Variants in CDK14 observed in about 807,000 individuals in gnomAD.
CDK14 encodes the protein cyclin-dependent kinase 14.
A neutral mutation model predicts 60.7 loss-of-function variants in CDK14; 34 were observed. The observed-to-expected ratio is 0.56, with a 90% confidence interval of 0.43 to 0.75. CDK14 has a LOEUF of 0.75. Ranked by LOEUF, CDK14 falls within the 30% of genes least tolerant of loss-of-function variation. The pLI, the probability that CDK14 is intolerant of heterozygous loss-of-function variation, is 0.00. For missense variants in CDK14, 482 were observed against 564.1 expected (o/e 0.85, Z 1.47); for synonymous variants, 197 against 203.7 (o/e 0.97, Z 0.28).
At chr7:91,174,831 T>G (rs1247857645) in intron 14 of CDK14, among the ~76,000 whole-genome samples, 1 of 73,842 alleles carries the variant, frequency 1.4e-5, no homozygotes, top group African/African-American at 7.1e-5. Context: ...CTACGTCTGA[T>G]TGGTGTACCT....
intron 8 of CDK14, among the ~76,000 whole-genome samples, chr7:90,949,595 A>C (rs1794196263): frequency 6.6e-6 from 1 of 152,198 alleles, no homozygotes. Context: ...GGATAATTAA[A>C]TAAAATCAAA....
chr7:90,945,026 C>G (rs1278193815), intron 8 of CDK14, among the ~76,000 whole-genome samples: 1 of 152,098 alleles, frequency 6.6e-6, no homozygotes, highest in African/African-American at 2.4e-5. Context: ...TGCCAATGAA[C>G]TGACATAAGA....
intron 12 of CDK14, among the ~76,000 whole-genome samples, chr7:91,081,347 T>A (rs1035310809): frequency 3.3e-5 from 5 of 152,218 alleles, no homozygotes; most frequent in Non-Finnish European, 1.5e-5. Flanking sequence ...GATGGTTTTC[T>A]CTATTTCCAA....
intron 8 of CDK14, among the ~76,000 whole-genome samples, chr7:90,945,289 A>G (rs1372232897): frequency 2.0e-5 from 3 of 152,222 alleles, no homozygotes; most frequent in African/African-American, 7.2e-5. Context: ...TTCATGCATT[A>G]TCTCATCTAA....
At chr7:91,151,969 A>T (rs1800839372) in intron 14 of CDK14, among the ~76,000 whole-genome samples, 1 of 152,224 alleles carries the variant, frequency 6.6e-6, no homozygotes. Context: ...TTGGAGTTAT[A>T]CCCATGCATT....
intron 14 of CDK14, among the ~76,000 whole-genome samples, chr7:91,179,683 G>T (rs1342231817): frequency 1.3e-5 from 2 of 151,908 alleles, no homozygotes; most frequent in African/African-American, 4.8e-5. Flanking sequence ...GGCGCCTGTA[G>T]TCCCAGCTAC....
At chr7:90,856,555 C>T (rs369379526) in intron 5 of CDK14, among the ~76,000 whole-genome samples, 1 of 152,282 alleles carries the variant, frequency 6.6e-6, no homozygotes, top group East Asian at 1.9e-4. Context: ...AGCTGCGTAT[C>T]AGTGCTCAGC....
At chr7:91,199,781 T>TATGGATGTTACCAAAC (rs1802661438) in intron 14 of CDK14, among the ~76,000 whole-genome samples, 1 of 152,208 alleles carries the variant, frequency 6.6e-6, no homozygotes, top group African/African-American at 2.4e-5. Context: ...TGTGCATCCA[T>TATGGATGTTACCAAAC]ATGGATGTTA....
At chr7:90,713,143 A>G (rs1802125738) in intron 2 of CDK14, among the ~76,000 whole-genome samples, 4 of 152,078 alleles carry the variant, frequency 2.6e-5, no homozygotes, top group South Asian at 2.1e-4. Context: ...AGCTTCATCA[A>G]TACAGCTTTC....
intron 2 of CDK14, among the ~76,000 whole-genome samples, chr7:90,644,389 G>A (rs4728911): frequency 0.94 from 143,325 of 152,328 alleles, 67,463 homozygotes; most frequent in East Asian, 1. Context: ...CTTTATCTCC[G>A]TTTTCCTGAT....
intron 5 of CDK14, among the ~76,000 whole-genome samples, chr7:90,797,870 C>G (rs574931248): frequency 6.6e-6 from 1 of 152,006 alleles, no homozygotes; most frequent in South Asian, 2.1e-4. Context: ...ATAAACCACC[C>G]CAGATCCAAT....
chr7:90,963,860 C>T (rs1203654220), intron 9 of CDK14, among the ~76,000 whole-genome samples: 5 of 151,602 alleles, frequency 3.3e-5, no homozygotes, highest in Non-Finnish European at 5.9e-5. Flanking sequence ...GGATTACAGG[C>T]GCCCACTACC....
chr7:90,929,413 G>A (rs1793523074), intron 8 of CDK14, among the ~76,000 whole-genome samples: 1 of 152,154 alleles, frequency 6.6e-6, no homozygotes, highest in Non-Finnish European at 1.5e-5. Flanking sequence ...ATGGTTATTT[G>A]ACTATTTTAA....
At chr7:90,829,202 T>C (rs1789826468) in intron 5 of CDK14, among the ~76,000 whole-genome samples, 1 of 152,072 alleles carries the variant, frequency 6.6e-6, no homozygotes, top group Non-Finnish European at 1.5e-5. Flanking sequence ...GGGATTTGGG[T>C]GGGGACACAG....
chr7:90,849,923 C>T (rs1790592751), intron 5 of CDK14, among the ~76,000 whole-genome samples: 1 of 151,948 alleles, frequency 6.6e-6, no homozygotes, highest in Admixed American at 6.6e-5. Flanking sequence ...ATTTCAGTTT[C>T]CGACATGTGC....
intron 6 of CDK14, among the ~76,000 whole-genome samples, chr7:90,886,451 A>T (rs980733117): frequency 2.0e-5 from 3 of 152,164 alleles, no homozygotes; most frequent in African/African-American, 4.8e-5. Context: ...TTCTTTTAAC[A>T]TTTTGCTAAG....
intron 7 of CDK14, among the ~76,000 whole-genome samples, chr7:90,909,263 A>G (rs1370245327): frequency 1.3e-5 from 2 of 152,144 alleles, no homozygotes. Flanking sequence ...GAGTAAGATT[A>G]TGTTATTTGA....
At chr7:90,790,463 A>T (rs1255761464) in intron 4 of CDK14, 110 bp from the exon 5 acceptor site, 7 of 636,738 alleles carry the variant, frequency 1.1e-5, no homozygotes, top group African/African-American at 3.7e-5. Context: ...AATCACTGAC[A>T]TTTTTAGCAT....
Position 90,976,368 on chromosome 7 carries a change from T to C in CDK14, c.948-7780T>C, listed in dbSNP as rs116583403. On this transcript the variant is annotated intron_variant, in intron 9 of 14. Transcript: ENST00000380050. ...CATTTGTCCCCCCGCTTTTTTTTCT[T>C]TTAAAGAGACAGGGTCCTTCTCTGT... Among the ~76,000 whole-genome samples the C allele has an allele frequency of 9.9e-3, 1,513 of 152,198 alleles. 22 individuals are homozygous for C. The highest frequency in any genetic ancestry group is 0.034 in the African/African-American group (1,428 of 41,530).
Sources: allele counts gnomAD v4.1 joint callset (sites outside exome capture counted in the v4.1 genomes callset), GRCh38; gene constraint gnomAD v4.1.1; transcripts MANE v1.5; gene names NCBI Gene and HGNC (gene_info 2026-07-23, HGNC 2026-07-21).